Variants in CFTR observed in about 807,000 individuals in gnomAD.
The protein encoded by CFTR is cystic fibrosis transmembrane conductance regulator.
CFTR carries 181 observed loss-of-function variants against 171.6 expected under a neutral mutation model. That is an observed-to-expected ratio of 1.05 (90% CI 0.93 to 1.19). CFTR has a LOEUF of 1.19. Among genes scored for constraint, CFTR ranks in the 50% most tolerant of loss-of-function variants. The probability of loss-of-function intolerance (pLI) is 0.00; values close to 1 mark genes in which losing one functional copy is unlikely to be tolerated. For synonymous variants in CFTR, 583 were observed against 608.0 expected (o/e 0.96, Z 0.60); for missense variants, 1,968 against 1,734.7 (o/e 1.13, Z -2.39).
chr7:117,525,047 A>G (rs1277251389), intron 3 of CFTR, among the ~76,000 whole-genome samples: 1 of 152,216 alleles, frequency 6.6e-6, no homozygotes, highest in Admixed American at 6.5e-5. Flanking sequence ...TTACTTTTCA[A>G]AAATATTTCA....
At chr7:117,577,373 G>A (rs770286857) in intron 11 of CFTR, among the ~76,000 whole-genome samples, 5 of 152,084 alleles carry the variant, frequency 3.3e-5, no homozygotes, top group East Asian at 3.9e-4. Context: ...AAGCAGAAGC[G>A]TGACATGATC....
At chr7:117,645,815 G>A (rs1420989472) in intron 23 of CFTR, among the ~76,000 whole-genome samples, 3 of 151,844 alleles carry the variant, frequency 2.0e-5, no homozygotes, top group Non-Finnish European at 2.9e-5. Flanking sequence ...ACTTAGCATT[G>A]TAAATACTTG....
At chr7:117,596,458 C>CCCAGT (rs1454383341) in intron 15 of CFTR, among the ~76,000 whole-genome samples, 2 of 152,360 alleles carry the variant, frequency 1.3e-5, no homozygotes, top group Non-Finnish European at 2.9e-5. Flanking sequence ...CTCCACGGCA[C>CCCAGT]CCAGTCCCAT....
chr7:117,659,081 T>C (rs1446068409), intron 24 of CFTR, among the ~76,000 whole-genome samples: 2 of 152,226 alleles, frequency 1.3e-5, no homozygotes, highest in Non-Finnish European at 2.9e-5. Context: ...TCTTTGGTTC[T>C]CTAAAGCACA....
rs373112861 is a variant in CFTR, at chr7:117,504,311, T to C, written c.112T>C (p.Tyr38His). 1.2e-5 allele frequency: 19 copies of C among 1,612,684 alleles called. No homozygotes were observed. The highest frequency in any genetic ancestry group is 9.3e-5 in the African/African-American group (7 of 74,914). The change falls in exon 2 of 27, where the codon TAC (tyrosine) becomes CAC (histidine). Residue 38 changes from tyrosine (Y) to histidine (H), a missense_variant. Physicochemically the swap from Tyr to His is moderately conservative, Grantham distance 83 (BLOSUM62 2). Transcript: ENST00000003084. ...ACAGCGCCTGGAATTGTCAGACATATACCAAATCCCTTCTGTTGATTCTGC... is the reference window on the plus strand; with the variant it reads ...ACAGCGCCTGGAATTGTCAGACATACACCAAATCCCTTCTGTTGATTCTGC... ...YRQRLELSDI[Y>H]QIPSVDSADN...
intron 11 of CFTR, among the ~76,000 whole-genome samples, chr7:117,580,585 T>C (rs77029316): frequency 0.011 from 1,731 of 152,178 alleles, 35 homozygotes; most frequent in African/African-American, 0.039. Context: ...ATGATATTAT[T>C]GGTAGGTCAT....
chr7:117,501,630 C>T (rs994864525), intron 1 of CFTR, among the ~76,000 whole-genome samples: 2 of 150,334 alleles, frequency 1.3e-5, no homozygotes, highest in African/African-American at 4.9e-5. Flanking sequence ...GCCTGTAATC[C>T]CAGCTACTCA....
intron 11 of CFTR, among the ~76,000 whole-genome samples, chr7:117,582,827 G>C (rs905621784): frequency 2.0e-5 from 3 of 152,092 alleles, no homozygotes; most frequent in African/African-American, 7.2e-5. Context: ...GCTTTAAGTT[G>C]GATTTGAAGA....
Position 117,620,854 on chromosome 7 carries a change from C to T in CFTR, c.3468+6141C>T, listed in dbSNP as rs368507626. Among the ~76,000 whole-genome samples the T allele has an allele frequency of 5.9e-5, 9 of 152,120 alleles. No homozygotes were observed. The East Asian group carries it at 1.7e-3, about 29-fold the overall frequency. On this transcript the variant is annotated intron_variant, in intron 21 of 26. Coordinates refer to ENST00000003084, the MANE Select transcript of CFTR (RefSeq NM_000492.4). The stretch of plus-strand genomic sequence containing the variant: ...AGGTGCGGTGGCTCATGCCTGTAAT[C>T]CCAGCACTTTGAGAGCCTGGGGCAG...
Position 117,490,312 on chromosome 7 carries a change from TACACACACACAC to T in CFTR, c.53+10197_53+10208del, listed in dbSNP as rs3034759. On this transcript the variant is annotated intron_variant, in intron 1 of 26. Transcript: ENST00000003084. Reference sequence around the variant, plus strand: ...TTCTCCAGAGAAGTAGAACCAATGATACACACACACACACACACACACACACACACACACACA... The same window carrying T: ...TTCTCCAGAGAAGTAGAACCAATGATACACACACACACACACACACACACA... Among the ~76,000 whole-genome samples, 79 of 136,880 alleles carry T rather than the reference TACACACACACAC, an allele frequency of 5.8e-4. 2 individuals carry two copies. Among genetic ancestry groups the T allele is most frequent in the Middle Eastern group, 3.7e-3 (1 of 268 alleles). 89.8% of individuals were successfully genotyped at this position (136,880 alleles called of 152,430 possible).
At chr7:117,610,741 A>T in intron 19 of CFTR, 72 bp downstream of exon 19, 1 of 1,535,618 alleles carries the variant, frequency 6.5e-7, no homozygotes, top group African/African-American at 1.4e-5. Flanking sequence ...TTTATTGTTA[A>T]TCTACTTAAA....
At chr7:117,539,692 C>A (rs1034151897) in intron 7 of CFTR, among the ~76,000 whole-genome samples, 2 of 151,670 alleles carry the variant, frequency 1.3e-5, no homozygotes, top group Non-Finnish European at 2.9e-5. Flanking sequence ...GTTCTCATTT[C>A]CATACTTAAT....
chr7:117,627,931 T>A (rs887647810), intron 22 of CFTR, 161 bp downstream of exon 22: 14 of 765,036 alleles, frequency 1.8e-5, no homozygotes, highest in African/African-American at 3.5e-5. Context: ...TTATTTTTAA[T>A]ATGAAATTTA....
At chr7:117,607,856 A>G (rs969006566) in intron 18 of CFTR, among the ~76,000 whole-genome samples, 3 of 152,196 alleles carry the variant, frequency 2.0e-5, no homozygotes, top group African/African-American at 7.2e-5. Flanking sequence ...CTGTTTAAAG[A>G]TATAACTTAG....
At chr7:117,658,329 G>A (rs186552387) in intron 24 of CFTR, among the ~76,000 whole-genome samples, 5 of 152,256 alleles carry the variant, frequency 3.3e-5, no homozygotes, top group Admixed American at 1.3e-4. Flanking sequence ...TGGGCCCAGC[G>A]CAGTGCCTGG....
chr7:117,657,602 G>A (rs780697863), intron 24 of CFTR, among the ~76,000 whole-genome samples: 53 of 152,178 alleles, frequency 3.5e-4, no homozygotes, highest in Admixed American at 7.9e-4. Flanking sequence ...ATTTTTGGGT[G>A]TGTCAAACAC....
At chr7:117,561,880 A>G (rs1412731643) in intron 11 of CFTR, among the ~76,000 whole-genome samples, 1 of 152,194 alleles carries the variant, frequency 6.6e-6, no homozygotes, top group Non-Finnish European at 1.5e-5. Flanking sequence ...CACAAGGCTA[A>G]TGTCCTCTGA....
chr7:117,565,452 T>C (rs1341447051), intron 11 of CFTR, among the ~76,000 whole-genome samples: 1 of 152,122 alleles, frequency 6.6e-6, no homozygotes, highest in Admixed American at 6.5e-5. Flanking sequence ...TAGTGAGTAA[T>C]TGGACTGTCT....
chr7:117,561,857 T>C (rs1791503290), intron 11 of CFTR, among the ~76,000 whole-genome samples: 1 of 152,142 alleles, frequency 6.6e-6, no homozygotes, highest in Admixed American at 6.6e-5. Context: ...AGTAACCTCC[T>C]TACACAAAGA....
Sources: gnomAD v4.1 joint callset for allele counts (sites outside exome capture counted in the v4.1 genomes callset) on GRCh38, gnomAD v4.1.1 for gene constraint, MANE v1.5 for transcripts, NCBI Gene and HGNC (gene_info 2026-07-23, HGNC 2026-07-21) for gene names.